LRRIQ1: variants seen among roughly 807,000 people sequenced by gnomAD.
The protein encoded by LRRIQ1 is leucine-rich repeat- and IQ domain-containing protein 1.
A neutral mutation model predicts 211.9 loss-of-function variants in LRRIQ1; 210 were observed. The ratio of observed to expected loss-of-function variants is 0.99; its 90% CI spans 0.89 to 1.11. The LOEUF is 1.11. LRRIQ1 is among the 50% of genes most tolerant of loss of function. LRRIQ1 has a pLI of 0.00. For missense variants in LRRIQ1, 2,136 were observed against 1,939.5 expected (o/e 1.10, Z -1.90); for synonymous variants, 699 against 650.1 (o/e 1.08, Z -1.14).
intron 24 of LRRIQ1, among the ~76,000 whole-genome samples, chr12:85,161,252 TA>T (rs1193104753): frequency 2.0e-5 from 3 of 152,138 alleles, no homozygotes; most frequent in Admixed American, 1.3e-4. Context: ...AACATGAACT[TA>T]AATTATTAAA....
intron 15 of LRRIQ1, among the ~76,000 whole-genome samples, chr12:85,117,956 G>C (rs986889376): frequency 6.6e-6 from 1 of 152,118 alleles, no homozygotes; most frequent in Non-Finnish European, 1.5e-5. Context: ...AACTTGGTGA[G>C]GTGGGTTATG....
At chr12:85,194,701 G>A (rs1182730859) in intron 24 of LRRIQ1, among the ~76,000 whole-genome samples, 15 of 151,998 alleles carry the variant, frequency 9.9e-5, no homozygotes, top group South Asian at 2.1e-4. Context: ...ATAGCACTAA[G>A]TGCCCACAAG....
intron 24 of LRRIQ1, among the ~76,000 whole-genome samples, chr12:85,185,190 C>T (rs1892168382): frequency 6.6e-6 from 1 of 151,834 alleles, no homozygotes. Context: ...CAATTATACA[C>T]TCGGAAAGAT....
At position 85,154,071 on chromosome 12, in the gene LRRIQ1, C is replaced by T. The variant is rs758802431; in HGVS notation, c.4697C>T (p.Ser1566Leu). ...QMLKRAQKMK[S>L]KKLKKKIDST... ...TTGAAGAGGGCACAGAAAATGAAATCGAAGAAACTAAAGAAAAAAATAGGT... is the reference window on the plus strand; with the variant it reads ...TTGAAGAGGGCACAGAAAATGAAATTGAAGAAACTAAAGAAAAAAATAGGT... The change falls in exon 23 of 27, where the codon TCG becomes TTG. Residue 1566 changes from serine to leucine, a missense_variant. Physicochemically the swap from Ser to Leu is moderately radical, Grantham distance 145. Coordinates refer to ENST00000393217, the MANE Select transcript of LRRIQ1 (RefSeq NM_001079910.2). The T allele has an allele frequency of 2.9e-5, 45 of 1,559,686 alleles. No homozygotes were observed. In the East Asian group the frequency reaches 5.2e-4, roughly 18 times the overall value.
intron 18 of LRRIQ1, among the ~76,000 whole-genome samples, chr12:85,131,767 A>C (rs1293124683): frequency 6.6e-6 from 1 of 152,130 alleles, no homozygotes; most frequent in African/African-American, 2.4e-5. Context: ...TTGGAGAACA[A>C]AAAGATGTTA....
intron 26 of LRRIQ1, among the ~76,000 whole-genome samples, chr12:85,242,859 G>T (rs1284050771): frequency 6.6e-6 from 1 of 151,732 alleles, no homozygotes; most frequent in East Asian, 1.9e-4. Context: ...ATTAGTAACT[G>T]ACACTAGTTA....
intron 24 of LRRIQ1, among the ~76,000 whole-genome samples, chr12:85,207,713 T>C (rs984285703): frequency 4.6e-5 from 7 of 152,184 alleles, no homozygotes; most frequent in Admixed American, 6.5e-5. Flanking sequence ...GTGTGAGATC[T>C]GGGTTTAGAT....
intron 23 of LRRIQ1, among the ~76,000 whole-genome samples, chr12:85,157,234 C>T (rs906810106): frequency 6.6e-6 from 1 of 151,670 alleles, no homozygotes; most frequent in Non-Finnish European, 1.5e-5. Context: ...CTAGGGGAGA[C>T]TTAGTATCGA....
chr12:85,049,235 A>G (rs1880014613), intron 6 of LRRIQ1, among the ~76,000 whole-genome samples: 1 of 152,108 alleles, frequency 6.6e-6, no homozygotes, highest in Non-Finnish European at 1.5e-5. Context: ...CCATTCCCCA[A>G]AATAGCAATC....
intron 1 of LRRIQ1, among the ~76,000 whole-genome samples, chr12:85,261,304 C>T (rs1021228001): frequency 2.0e-5 from 3 of 152,120 alleles, no homozygotes; most frequent in African/African-American, 7.2e-5. Flanking sequence ...GGTTCATTAA[C>T]TCCTTTGAAT....
intron 4 of LRRIQ1, among the ~76,000 whole-genome samples, 197 bp downstream of exon 4, chr12:85,045,006 G>A (rs1879368016): frequency 6.6e-6 from 1 of 151,772 alleles, no homozygotes; most frequent in Non-Finnish European, 1.5e-5. Context: ...CAGTCTTTAA[G>A]AATATTAAAA....
At chr12:85,055,504 T>G in intron 7 of LRRIQ1, 43 bp from the exon 8 acceptor site, 1 of 1,341,740 alleles carries the variant, frequency 7.5e-7, no homozygotes, top group Non-Finnish European at 9.7e-7. Context: ...TAACATCTCA[T>G]GTTTAGTTTA....
intron 18 of LRRIQ1, among the ~76,000 whole-genome samples, chr12:85,131,098 C>G (rs1888724866): frequency 6.7e-6 from 1 of 149,874 alleles, no homozygotes; most frequent in Non-Finnish European, 1.5e-5. Context: ...TGCCTGTAAA[C>G]TACTTGGGAG....
At chr12:85,104,307 A>C (rs1409012377) in intron 14 of LRRIQ1, among the ~76,000 whole-genome samples, 1 of 151,998 alleles carries the variant, frequency 6.6e-6, no homozygotes, top group Non-Finnish European at 1.5e-5. Context: ...CCTTTTATTT[A>C]AAAGTCATAC....
At chr12:85,197,918 ATATATATAATATAATTATATATATT>A (rs1893026828) in intron 24 of LRRIQ1, among the ~76,000 whole-genome samples, 1 of 119,480 alleles carries the variant, frequency 8.4e-6, no homozygotes. Flanking sequence ...TATAATAAAA[ATATATATAATATAATTATATATATT>A]TATATATAAT....
At chr12:85,107,711 CTTA>C (rs1886879542) in intron 15 of LRRIQ1, among the ~76,000 whole-genome samples, 1 of 151,768 alleles carries the variant, frequency 6.6e-6, no homozygotes, top group Admixed American at 6.6e-5. Context: ...TTTTCTTTTA[CTTA>C]TTATTATTTA....
At chr12:85,178,179 G>A (rs116539964) in intron 24 of LRRIQ1, among the ~76,000 whole-genome samples, 2,838 of 151,882 alleles carry the variant, frequency 0.019, 87 homozygotes, top group African/African-American at 0.065. Flanking sequence ...TTCTTTGGAT[G>A]TTGTCTTACC....
chr12:85,251,409 T>C (rs1895940717), intron 1 of LRRIQ1, among the ~76,000 whole-genome samples: 1 of 151,912 alleles, frequency 6.6e-6, no homozygotes, highest in Non-Finnish European at 1.5e-5. Flanking sequence ...ACTGGAATTA[T>C]GAGGTAAAGA....
At chr12:85,181,885 T>C (rs1229230753) in intron 24 of LRRIQ1, among the ~76,000 whole-genome samples, 2 of 152,188 alleles carry the variant, frequency 1.3e-5, no homozygotes, top group Admixed American at 1.3e-4. Context: ...AGGTTTTGTA[T>C]TGAAACCAAG....
Sources: gnomAD v4.1 joint callset for allele counts (sites outside exome capture counted in the v4.1 genomes callset) on GRCh38, gnomAD v4.1.1 for gene constraint, MANE v1.5 for transcripts, NCBI Gene and HGNC (gene_info 2026-07-23, HGNC 2026-07-21) for gene names.